Variants in NRXN1 observed in about 807,000 individuals in gnomAD.
The protein encoded by NRXN1 is neurexin-1.
In NRXN1, 39 loss-of-function variants were observed where a neutral mutation model predicts 150.9. The ratio of observed to expected loss-of-function variants is 0.26; its 90% CI spans 0.20 to 0.34. The LOEUF is 0.34. Among genes scored for constraint, NRXN1 ranks in the 10% least tolerant of loss-of-function variants. The pLI is 1.00. For missense variants in NRXN1, 1,815 were observed against 1,949.9 expected (o/e 0.93, Z 1.30); for synonymous variants, 924 against 757.0 (o/e 1.22, Z -3.62).
intron 18 of NRXN1, among the ~76,000 whole-genome samples, chr2:50,157,751 T>A (rs1214206548): frequency 1.3e-5 from 2 of 151,928 alleles, no homozygotes; most frequent in East Asian, 3.9e-4. Context: ...TTGGGCAGTC[T>A]GTAGTGAGAA....
chr2:51,030,727 A>G (rs62143027), intron 1 of NRXN1, among the ~76,000 whole-genome samples: 11,960 of 152,256 alleles, frequency 0.079, 523 homozygotes, highest in South Asian at 0.12. Flanking sequence ...GGCTCGTCAA[A>G]TCATCTGAAA....
At chr2:50,833,061 GA>G (rs1403233474) in intron 5 of NRXN1, among the ~76,000 whole-genome samples, 3 of 151,908 alleles carry the variant, frequency 2.0e-5, no homozygotes, top group South Asian at 2.1e-4. Flanking sequence ...ATAAACACAG[GA>G]AAAAAAGTTT....
At chr2:50,678,211 T>A (rs1263085264) in intron 5 of NRXN1, among the ~76,000 whole-genome samples, 1 of 152,158 alleles carries the variant, frequency 6.6e-6, no homozygotes, top group Non-Finnish European at 1.5e-5. Context: ...GTAAGACAGA[T>A]TTGTGGGGCA....
At chr2:50,179,191 G>T (rs1285563741) in intron 18 of NRXN1, among the ~76,000 whole-genome samples, 1 of 151,954 alleles carries the variant, frequency 6.6e-6, no homozygotes, top group Non-Finnish European at 1.5e-5. Context: ...ACAAAAATAT[G>T]GAGCTGCTCC....
chr2:49,932,137 TGG>T (rs1377303041), intron 22 of NRXN1, among the ~76,000 whole-genome samples: 1 of 152,188 alleles, frequency 6.6e-6, no homozygotes, highest in Non-Finnish European at 1.5e-5. Context: ...CTGAGTTTGC[TGG>T]GCATGGTAAT....
At chr2:50,986,740 AT>A (rs11356752) in intron 2 of NRXN1, among the ~76,000 whole-genome samples, 33,806 of 151,006 alleles carry the variant, frequency 0.22, 4,114 homozygotes, top group Non-Finnish European at 0.28. Context: ...AAATATTCAT[AT>A]TTTTTTTCCA....
intron 21 of NRXN1, among the ~76,000 whole-genome samples, chr2:50,034,368 T>C (rs1378230062): frequency 6.6e-6 from 1 of 152,018 alleles, no homozygotes; most frequent in Non-Finnish European, 1.5e-5. Flanking sequence ...TGGAGGCCAT[T>C]ATCCTTAGCA....
In NRXN1 at chr2:50,377,168, G is replaced by A. The variant is rs148511396; in HGVS notation, c.3364+88274C>T. 9.1e-3 allele frequency among the ~76,000 whole-genome samples: 1,380 copies of A among 152,104 alleles called. 10 individuals are homozygous for A. Among genetic ancestry groups the A allele is most frequent in the Non-Finnish European group, 0.015 (1,031 of 67,974 alleles). ...GTTATGAAGGCAAACATGTGCGATG[G>A]TGGTTTGCTGCACCTATCAACCCAT... On this transcript the variant is annotated intron_variant, in intron 17 of 22. Coordinates refer to ENST00000401669, the MANE Select transcript of NRXN1 (RefSeq NM_001330078.2).
intron 21 of NRXN1, among the ~76,000 whole-genome samples, chr2:49,949,740 A>G (rs925162661): frequency 6.6e-6 from 1 of 151,976 alleles, no homozygotes; most frequent in Non-Finnish European, 1.5e-5. Context: ...TGAGCATTGT[A>G]TAACATTATT....
chr2:50,676,535 A>G (rs1018941723), intron 5 of NRXN1, among the ~76,000 whole-genome samples: 7 of 152,176 alleles, frequency 4.6e-5, no homozygotes, highest in Admixed American at 4.6e-4. Flanking sequence ...TCTTGTCTGT[A>G]CAATGTAATA....
intron 5 of NRXN1, among the ~76,000 whole-genome samples, chr2:50,719,499 A>C (rs905771615): frequency 5.9e-5 from 9 of 152,064 alleles, no homozygotes; most frequent in Non-Finnish European, 1.0e-4. Flanking sequence ...ACATAGTGAA[A>C]TCCTGCCTCT....
chr2:50,765,245 C>CCTAA (rs1242042699), intron 5 of NRXN1, among the ~76,000 whole-genome samples: 14 of 152,098 alleles, frequency 9.2e-5, no homozygotes, highest in African/African-American at 2.9e-4. Context: ...GTGGCCAAAC[C>CCTAA]CTAATTGTTC....
At chr2:50,716,601 G>T (rs1458339824) in intron 5 of NRXN1, among the ~76,000 whole-genome samples, 15 of 152,038 alleles carry the variant, frequency 9.9e-5, no homozygotes. Context: ...ATGATAATGA[G>T]AACTTGTTGC....
intron 5 of NRXN1, among the ~76,000 whole-genome samples, chr2:50,875,840 A>G (rs1678508222): frequency 6.6e-6 from 1 of 151,862 alleles, no homozygotes; most frequent in African/African-American, 2.4e-5. Context: ...ATCTCATCTC[A>G]GGCTTATAGC....
chr2:50,262,541 T>G (rs2068398890), intron 17 of NRXN1, among the ~76,000 whole-genome samples: 1 of 151,982 alleles, frequency 6.6e-6, no homozygotes, highest in Non-Finnish European at 1.5e-5. Flanking sequence ...CTGGCTGATT[T>G]GTTTTGTGAA....
At chr2:50,781,964 C>T (rs1704410257) in intron 5 of NRXN1, among the ~76,000 whole-genome samples, 1 of 152,142 alleles carries the variant, frequency 6.6e-6, no homozygotes, top group African/African-American at 2.4e-5. Context: ...AAACATTCAA[C>T]AAATGTTAGT....
At chr2:50,868,414 C>CGGGAGGGGGGGGGGGGGGGGGGGGG (rs1677280138) in intron 5 of NRXN1, among the ~76,000 whole-genome samples, 1 of 20,034 alleles carries the variant, frequency 5.0e-5, no homozygotes, top group Admixed American at 7.1e-4. Context: ...GGAGGGAGGG[C>CGGGAGGGGGGGGGGGGGGGGGGGGG]GGGAGGGGGT....
Position 50,884,480 on chromosome 2 carries a change from A to C in NRXN1, c.832+37389T>G, listed in dbSNP as rs78890124. ...AAAGCAACTCCAACTTCTACTAAAA[A>C]ATAAATTATTTAGTTTTGAAGATCT... On this transcript the variant is annotated intron_variant, in intron 5 of 22. Transcript: ENST00000401669. 9.9e-3 allele frequency among the ~76,000 whole-genome samples: 1,499 copies of C among 151,894 alleles called. 17 individuals carry two copies. Among genetic ancestry groups the C allele is most frequent in the African/African-American group, 0.034 (1,425 of 41,524 alleles).
intron 18 of NRXN1, among the ~76,000 whole-genome samples, chr2:50,182,542 G>T (rs1448520532): frequency 6.6e-6 from 1 of 152,020 alleles, no homozygotes; most frequent in East Asian, 1.9e-4. Flanking sequence ...ATGGAGGCAT[G>T]AATTCAAATT....
Sources: gnomAD v4.1 joint callset for allele counts (sites outside exome capture counted in the v4.1 genomes callset) on GRCh38, gnomAD v4.1.1 for gene constraint, MANE v1.5 for transcripts, NCBI Gene and HGNC (gene_info 2026-07-23, HGNC 2026-07-21) for gene names.